Variants in WASF1 observed in about 807,000 individuals in gnomAD.
WASF1 encodes actin-binding protein WASF1.
A neutral mutation model predicts 50.5 loss-of-function variants in WASF1; 7 were observed. That is an observed-to-expected ratio of 0.14 (90% CI 0.08 to 0.26). WASF1 has a LOEUF of 0.26. Ranked by LOEUF, WASF1 falls within the 10% of genes least tolerant of loss-of-function variation. WASF1 has a pLI of 1.00. For synonymous variants in WASF1, 205 were observed against 244.0 expected, an observed-to-expected ratio of 0.84 and a Z score of 1.49; for missense variants, 470 against 694.7, an observed-to-expected ratio of 0.68 and a Z score of 3.64.
intron 3 of WASF1, among the ~76,000 whole-genome samples, chr6:110,128,930 T>A (rs1774536041): frequency 6.6e-6 from 1 of 152,194 alleles, no homozygotes; most frequent in East Asian, 1.9e-4. Context: ...GAGAATCTAA[T>A]TAATGCCTGA....
chr6:110,109,133 T>C (rs537495042), intron 5 of WASF1, among the ~76,000 whole-genome samples: 1 of 152,314 alleles, frequency 6.6e-6, no homozygotes, highest in South Asian at 2.1e-4. Context: ...TGTTAACCTC[T>C]ATGCTACATA....
At chr6:110,136,709 C>T (rs987640191) in intron 3 of WASF1, among the ~76,000 whole-genome samples, 1 of 152,168 alleles carries the variant, frequency 6.6e-6, no homozygotes, top group African/African-American at 2.4e-5. Context: ...TTGTTTTAAA[C>T]ATGTCTCTTC....
chr6:110,170,164 G>T (rs964846637), intron 2 of WASF1, among the ~76,000 whole-genome samples: 8 of 152,024 alleles, frequency 5.3e-5, no homozygotes, highest in African/African-American at 1.9e-4. Context: ...AGAGAGGAGA[G>T]AAAAGGAAAC....
intron 3 of WASF1, among the ~76,000 whole-genome samples, chr6:110,145,573 T>C (rs576336726): frequency 6.6e-5 from 10 of 152,278 alleles, no homozygotes; most frequent in African/African-American, 2.4e-4. Context: ...TTTTGTCCAT[T>C]CAGTATGATA....
chr6:110,122,431 A>G (rs1774181782), intron 4 of WASF1, among the ~76,000 whole-genome samples: 1 of 152,194 alleles, frequency 6.6e-6, no homozygotes, highest in African/African-American at 2.4e-5. Flanking sequence ...ATTTTTAGAG[A>G]AATGAAGAAG....
chr6:110,144,468 T>C (rs548108357), intron 3 of WASF1, among the ~76,000 whole-genome samples: 480 of 152,368 alleles, frequency 3.2e-3, no homozygotes, highest in African/African-American at 0.01. Flanking sequence ...TTTAGTTTCA[T>C]TAGATCCCAT....
chr6:110,127,452 A>C lies in WASF1; in HGVS notation c.133+17T>G. On this transcript the variant is annotated intron_variant, in intron 4 of 10. Coordinates refer to ENST00000392589, the MANE Select transcript of WASF1 (RefSeq NM_003931.3). The stretch of plus-strand genomic sequence containing the variant: ...CATTCTGGTTTGTGAGTATATTTTT[A>C]ATTGATATATACTTACTTAGGCTAC... The C allele has an allele frequency of 8.4e-6, 13 of 1,551,114 alleles. No homozygotes were observed. Among genetic ancestry groups the C allele is most frequent in the Non-Finnish European group, 1.1e-5 (13 of 1,150,712 alleles).
rs188016946 is a variant in WASF1, at chr6:110,167,557, G to A, written c.-126-6825C>T. Among the ~76,000 whole-genome samples the A allele has an allele frequency of 1.6e-3, 238 of 151,974 alleles. 2 individuals carry two copies. Among genetic ancestry groups the A allele is most frequent in the African/African-American group, 5.6e-3 (231 of 41,508 alleles). On this transcript the variant is annotated intron_variant, in intron 2 of 10. Transcript: ENST00000392589. ...ACTTCTGTACCTCTAATTCTTTGAG[G>A]ACTCCAGGACTTAGTCCTGGTACCT...
At position 110,107,153 on chromosome 6, in the gene WASF1, G is replaced by A. The variant is rs780982950; in HGVS notation, c.464C>T (p.Ser155Leu). 2.5e-6 allele frequency: 4 copies of A among 1,607,204 alleles called. No homozygotes were observed. The highest frequency in any genetic ancestry group is 1.7e-5 in the Admixed American group (1 of 58,672). ...TTCTTTCCATAGATCAAAGAAATAC[G>A]AAGGATTGGTATAAAACTTCAGACC... ...KEGLKFYTNP[S>L]YFFDLWKEKM... is the part of the protein sequence containing the mutation. The change falls in exon 7 of 11, where the codon TCG (serine) becomes TTG (leucine). Residue 155 changes from serine to leucine, a missense_variant. Ser to Leu is a moderately radical substitution (Grantham distance 145, BLOSUM62 -2). Around this residue, in one of 3 missense-constraint regions of WASF1, gnomAD observed 140 missense variants for 260.5 expected, o/e 0.54. Transcript: ENST00000392589.
chr6:110,175,555 C>T (rs866021079), intron 2 of WASF1, among the ~76,000 whole-genome samples: 1 of 152,130 alleles, frequency 6.6e-6, no homozygotes, highest in African/African-American at 2.4e-5. Flanking sequence ...CACCAAGCTT[C>T]GAAGTATCTT....
intron 4 of WASF1, among the ~76,000 whole-genome samples, chr6:110,119,993 C>A (rs1774017283): frequency 6.6e-6 from 1 of 152,110 alleles, no homozygotes; most frequent in Non-Finnish European, 1.5e-5. Flanking sequence ...TTCAACACCC[C>A]GTCATGCTAA....
chr6:110,116,337 A>C (rs925091302), intron 4 of WASF1, among the ~76,000 whole-genome samples: 2 of 152,072 alleles, frequency 1.3e-5, no homozygotes, highest in African/African-American at 4.8e-5. Flanking sequence ...CAAATACTAT[A>C]TGCTTTTCCC....
At position 110,105,560 on chromosome 6, in the gene WASF1, G is replaced by A. The variant is rs1216512715; in HGVS notation, c.560C>T (p.Pro187Leu). 6.2e-7 allele frequency: 1 copy of A among 1,613,248 alleles called. No individual in the cohort carries two copies. The highest frequency in any genetic ancestry group is 8.5e-7 in the Non-Finnish European group (1 of 1,179,734). Reference sequence around the variant, plus strand: ...TCTTGGCACTTTTTCTGGTTCATGAGGACGATCTAGATTTTTCTGCTATAA... The same window carrying A: ...TCTTGGCACTTTTTCTGGTTCATGAAGACGATCTAGATTTTTCTGCTATAA... ...RKQKQKNLDR[P>L]HEPEKVPRAP... The change falls in exon 8 of 11, where the codon CCT becomes CTT. Residue 187 changes from proline to leucine, a missense_variant. Pro to Leu is a moderately conservative substitution (Grantham distance 98, BLOSUM62 -3). Coordinates refer to ENST00000392589, the MANE Select transcript of WASF1 (RefSeq NM_003931.3).
intron 5 of WASF1, among the ~76,000 whole-genome samples, 164 bp downstream of exon 5, chr6:110,113,162 A>T (rs897143908): frequency 2.0e-5 from 3 of 152,284 alleles, no homozygotes; most frequent in African/African-American, 7.2e-5. Context: ...GGAGAATCAT[A>T]CTGATGGCAT....
chr6:110,131,675 G>C (rs182032409), intron 3 of WASF1, among the ~76,000 whole-genome samples: 21 of 152,084 alleles, frequency 1.4e-4, no homozygotes, highest in Non-Finnish European at 2.6e-4. Flanking sequence ...GGCTAATTTT[G>C]TGTATTTTTA....
At chr6:110,160,259 T>A (rs1034548223) in intron 3 of WASF1, among the ~76,000 whole-genome samples, 6 of 151,830 alleles carry the variant, frequency 4.0e-5, no homozygotes, top group Non-Finnish European at 7.4e-5. Flanking sequence ...CTAAAAAGAA[T>A]GGGAAAACGA....
At chr6:110,118,707 A>G (rs1244278674) in intron 4 of WASF1, among the ~76,000 whole-genome samples, 1 of 152,188 alleles carries the variant, frequency 6.6e-6, no homozygotes, top group Non-Finnish European at 1.5e-5. Context: ...ATAGACATCT[A>G]CAGAACTCCA....
chr6:110,105,502 C>A lies in WASF1; in HGVS notation c.618G>T (p.Lys206Asn), dbSNP rs1168135745. The A allele has an allele frequency of 6.2e-7, 1 of 1,614,048 alleles. No homozygotes were observed. Among genetic ancestry groups the A allele is most frequent in the Non-Finnish European group, 8.5e-7 (1 of 1,179,942 alleles). ...APHDRRREWQ[K>N]LAQGPELAED... ...CAGCCAGCTCTGGACCTTGGGCCAG[C>A]TTCTGCCATTCTCGCCGCCTGTCAT... Residue 206 changes from lysine (K) to asparagine (N), a missense_variant, in exon 8 of 11, where the codon AAG (lysine) becomes AAT (asparagine). By Grantham distance (94) the Lys-to-Asn change is moderately conservative (BLOSUM62 0). Coordinates refer to ENST00000392589, the MANE Select transcript of WASF1 (RefSeq NM_003931.3).
intron 2 of WASF1, among the ~76,000 whole-genome samples, chr6:110,163,096 G>A (rs1007853420): frequency 6.6e-6 from 1 of 151,468 alleles, no homozygotes; most frequent in Non-Finnish European, 1.5e-5. Flanking sequence ...CAACGAATAC[G>A]TCATATCTGA....
Sources: gnomAD v4.1 joint callset for allele counts (sites outside exome capture counted in the v4.1 genomes callset) on GRCh38, gnomAD v4.1.1 for gene constraint, gnomAD v4.1.1 regional missense constraint, MANE v1.5 for transcripts, NCBI Gene and HGNC (gene_info 2026-07-23, HGNC 2026-07-21) for gene names.